PALM2AKAP2: variants seen among roughly 807,000 people sequenced by gnomAD.
The protein encoded by PALM2AKAP2 is PALM2-AKAP2 fusion protein.
PALM2AKAP2 carries 37 observed loss-of-function variants against 71.5 expected under a neutral mutation model. That is an observed-to-expected ratio of 0.52 (90% CI 0.40 to 0.68). PALM2AKAP2 has a LOEUF of 0.68. Among genes scored for constraint, PALM2AKAP2 ranks in the 30% least tolerant of loss-of-function variants. The pLI is 0.00. For missense variants in PALM2AKAP2, 1,224 were observed against 1,191.8 expected (o/e 1.03, Z -0.40); for synonymous variants, 468 against 478.8 (o/e 0.98, Z 0.29).
intron 1 of PALM2AKAP2, among the ~76,000 whole-genome samples, chr9:109,852,358 A>G (rs994046260): frequency 7.9e-5 from 12 of 152,196 alleles, no homozygotes; most frequent in African/African-American, 1.2e-4. Flanking sequence ...TGTTGCTGCA[A>G]AGAACATGAT....
At chr9:110,090,515 C>A in intron 1 of PALM2AKAP2, 1 of 440,224 alleles carries the variant, frequency 2.3e-6, no homozygotes, top group Non-Finnish European at 4.6e-6. Flanking sequence ...CTCTTTTATT[C>A]TTCAGGGACA....
intron 1 of PALM2AKAP2, among the ~76,000 whole-genome samples, chr9:109,684,626 T>G (rs1827782259): frequency 6.6e-6 from 1 of 152,186 alleles, no homozygotes; most frequent in Non-Finnish European, 1.5e-5. Context: ...TTCTACCAAG[T>G]ACCCGACAAG....
chr9:110,105,374 G>A (rs1419266511), intron 1 of PALM2AKAP2, among the ~76,000 whole-genome samples: 1 of 151,998 alleles, frequency 6.6e-6, no homozygotes, highest in Non-Finnish European at 1.5e-5. Flanking sequence ...TGGTTGCTTT[G>A]TAGATCCTAC....
intron 1 of PALM2AKAP2, among the ~76,000 whole-genome samples, chr9:109,856,900 G>A (rs1829182284): frequency 6.6e-6 from 1 of 152,186 alleles, no homozygotes; most frequent in African/African-American, 2.4e-5. Flanking sequence ...TGCACATTGT[G>A]TTCTCTTTCT....
intron 3 of PALM2AKAP2, among the ~76,000 whole-genome samples, chr9:109,889,765 C>A (rs762713050): frequency 2.0e-5 from 3 of 152,190 alleles, no homozygotes; most frequent in Non-Finnish European, 4.4e-5. Flanking sequence ...CCATTATAAT[C>A]ATCTCATTAT....
chr9:109,714,705 G>T (rs1828289946), intron 1 of PALM2AKAP2, among the ~76,000 whole-genome samples: 1 of 152,182 alleles, frequency 6.6e-6, no homozygotes, highest in Admixed American at 6.5e-5. Flanking sequence ...TTCGTGCCCA[G>T]GATGAGGTTC....
At chr9:110,051,549 T>C (rs1324717712) in intron 1 of PALM2AKAP2, among the ~76,000 whole-genome samples, 1 of 152,238 alleles carries the variant, frequency 6.6e-6, no homozygotes, top group Non-Finnish European at 1.5e-5. Flanking sequence ...TACCAGTCTC[T>C]GCTTATTAAG....
intron 1 of PALM2AKAP2, among the ~76,000 whole-genome samples, chr9:110,076,507 ATATAGG>A (rs891648755): frequency 3.5e-5 from 5 of 144,180 alleles, no homozygotes; most frequent in African/African-American, 1.3e-4. Context: ...ATATATATAT[ATATAGG>A]TATATATACC....
chr9:109,853,844 G>T (rs1203276163), intron 1 of PALM2AKAP2, among the ~76,000 whole-genome samples: 1 of 152,150 alleles, frequency 6.6e-6, no homozygotes, highest in Non-Finnish European at 1.5e-5. Flanking sequence ...TTGACCTAAA[G>T]CTGAGCTCTG....
chr9:110,103,459 G>A (rs1331562711), intron 1 of PALM2AKAP2, among the ~76,000 whole-genome samples: 3 of 152,330 alleles, frequency 2.0e-5, no homozygotes, highest in Middle Eastern at 3.4e-3. Context: ...AAATTTACAA[G>A]GAGAGCATGT....
chr9:109,941,017 C>T (rs1270670149), intron 6 of PALM2AKAP2, among the ~76,000 whole-genome samples: 2 of 152,126 alleles, frequency 1.3e-5, no homozygotes, highest in South Asian at 2.1e-4. Flanking sequence ...GTCTTTGTCA[C>T]ACATTAATTG....
chr9:109,976,268 A>T (rs73524667), intron 6 of PALM2AKAP2, among the ~76,000 whole-genome samples: 1,598 of 152,362 alleles, frequency 0.01, 23 homozygotes, highest in African/African-American at 0.035. Context: ...AGCAGTTTAC[A>T]CATATTACCT....
chr9:109,892,647 T>C (rs1312491098), intron 3 of PALM2AKAP2, among the ~76,000 whole-genome samples: 1 of 152,170 alleles, frequency 6.6e-6, no homozygotes, highest in Non-Finnish European at 1.5e-5. Flanking sequence ...CCAGAGATGG[T>C]ATAAGGCAGT....
chr9:109,955,639 T>G (rs1831732753), intron 6 of PALM2AKAP2, among the ~76,000 whole-genome samples: 1 of 141,222 alleles, frequency 7.1e-6, no homozygotes, highest in Admixed American at 7.3e-5. Context: ...TTCTGTATTG[T>G]CCACTTTTTT....
intron 1 of PALM2AKAP2, among the ~76,000 whole-genome samples, chr9:110,083,679 G>T (rs897484485): frequency 6.6e-6 from 1 of 152,284 alleles, no homozygotes; most frequent in Admixed American, 6.5e-5. Flanking sequence ...TAAGCTTCCA[G>T]GGGGATAAAA....
chr9:109,843,251 A>G lies in PALM2AKAP2; in HGVS notation c.46-24240A>G, dbSNP rs944661871. ...CAGGACTTTGGTGCTGCAGTGAGCT[A>G]TGATGGCACTACCGCACTCTAACCT... is the stretch of plus-strand genomic sequence containing the variant. On this transcript the variant is annotated intron_variant, in intron 1 of 9. Transcript: ENST00000302798. Among the ~76,000 whole-genome samples the G allele has an allele frequency of 5.0e-5, 7 of 139,870 alleles. No homozygotes were observed. In the Admixed American group the frequency reaches 5.3e-4, roughly 11 times the overall value. The allele number at this position is 139,870 out of a possible 152,430, so 91.8% of individuals were successfully genotyped here. A position where few individuals can be genotyped will look rare whatever the true frequency, so the allele number is the denominator to read the frequency against.
At chr9:110,055,343 G>C (rs1833812867) in intron 1 of PALM2AKAP2, among the ~76,000 whole-genome samples, 1 of 152,172 alleles carries the variant, frequency 6.6e-6, no homozygotes, top group East Asian at 1.9e-4. Context: ...TTACAGGCGT[G>C]TGCCACTGTG....
At chr9:110,110,767 A>G (rs1481627530) in intron 1 of PALM2AKAP2, among the ~76,000 whole-genome samples, 1 of 151,684 alleles carries the variant, frequency 6.6e-6, no homozygotes, top group Non-Finnish European at 1.5e-5. Context: ...GGCTAGTCTC[A>G]AACTCCCGCC....
chr9:109,849,323 T>G (rs1828945318), intron 1 of PALM2AKAP2, among the ~76,000 whole-genome samples: 1 of 152,216 alleles, frequency 6.6e-6, no homozygotes, highest in Non-Finnish European at 1.5e-5. Flanking sequence ...AAAACCATCC[T>G]AAGCATAAGG....
Sources: allele counts gnomAD v4.1 joint callset (sites outside exome capture counted in the v4.1 genomes callset), GRCh38; gene constraint gnomAD v4.1.1; transcripts MANE v1.5; gene names NCBI Gene and HGNC (gene_info 2026-07-23, HGNC 2026-07-21).